Variants in ADGRD1 observed in about 807,000 individuals in gnomAD.
ADGRD1 encodes the protein adhesion G protein-coupled receptor D1, also known as G-protein coupled receptor 133.
Under a neutral mutation model 113.4 loss-of-function variants are expected in ADGRD1, and 77 were observed. That is an observed-to-expected ratio of 0.68 (90% CI 0.57 to 0.82). The LOEUF is 0.82. Among genes scored for constraint, ADGRD1 ranks in the 40% least tolerant of loss-of-function variants. ADGRD1 has a pLI of 0.00. For synonymous variants in ADGRD1, 474 were observed against 475.0 expected (o/e 1.00, Z 0.03); for missense variants, 1,036 against 1,139.1 (o/e 0.91, Z 1.30).
At chr12:131,138,889 C>T (rs761058233) in intron 24 of ADGRD1, among the ~76,000 whole-genome samples, 3 of 152,140 alleles carry the variant, frequency 2.0e-5, no homozygotes, top group Non-Finnish European at 2.9e-5. Flanking sequence ...GCGTGGGTGC[C>T]GGGCAGATGG....
intron 3 of ADGRD1, chr12:130,970,412 A>G (rs1871476148): frequency 6.6e-6 from 1 of 152,210 alleles, no homozygotes; most frequent in South Asian, 2.1e-4. Context: ...TCCCTCAGCA[A>G]AAATGGGATA....
chr12:130,960,257 C>G (rs1028214156), intron 2 of ADGRD1, among the ~76,000 whole-genome samples: 1 of 152,150 alleles, frequency 6.6e-6, no homozygotes, highest in Admixed American at 6.5e-5. Context: ...ACAGCTGGCT[C>G]CAGCCGTTTC....
chr12:131,133,653 A>T (rs917923343), intron 21 of ADGRD1, among the ~76,000 whole-genome samples: 5 of 152,114 alleles, frequency 3.3e-5, no homozygotes, highest in Non-Finnish European at 2.9e-5. Context: ...CCATTGTGCA[A>T]CCCAGCACAT....
Position 131,084,463 on chromosome 12 carries a change from G to T in ADGRD1, c.1548-77G>T. 4 of 1,523,612 alleles carry T rather than the reference G, an allele frequency of 2.6e-6. No homozygotes were observed. The highest frequency in any genetic ancestry group is 1.1e-5 in the South Asian group (1 of 88,542). The allele number at this position is 1,523,612 out of a possible 1,614,324, so 94.4% of individuals were successfully genotyped here. ...ATGAGTTCACGGGGCCATGTGTTATGGGGGGTGCTGCTCTCAGTCCCCTGC... is the reference window on the plus strand; with the variant it reads ...ATGAGTTCACGGGGCCATGTGTTATTGGGGGTGCTGCTCTCAGTCCCCTGC... On this transcript the variant is annotated intron_variant, in intron 14 of 24. Coordinates refer to ENST00000261654, the MANE Select transcript of ADGRD1 (RefSeq NM_198827.5). This position sits in a 1 kb window ranked among gnomAD's most constrained non-coding sequence, Gnocchi z 4.5.
Position 130,992,218 on chromosome 12 carries a change from T to C in ADGRD1, c.811-19T>C, listed in dbSNP as rs537829937. 2.4e-5 allele frequency: 38 copies of C among 1,603,434 alleles called. No homozygotes were observed. The highest frequency in any genetic ancestry group is 3.1e-5 in the Non-Finnish European group (36 of 1,174,802). On this transcript the variant is annotated intron_variant, in intron 7 of 24. Coordinates refer to ENST00000261654, the MANE Select transcript of ADGRD1 (RefSeq NM_198827.5). ...GGTTTTAGTTCTTAGTAGAAACTCA[T>C]GTTGCCAATTTCTTTCAGATGCCCA...
At chr12:130,994,137 C>T (rs180764840) in intron 8 of ADGRD1, 6 of 337,724 alleles carry the variant, frequency 1.8e-5, no homozygotes, top group African/African-American at 8.4e-5. Context: ...AGTGTGGGAG[C>T]GCTTCCGGGC....
At chr12:131,061,090 A>G (rs7139010) in intron 13 of ADGRD1, among the ~76,000 whole-genome samples, 8,133 of 152,142 alleles carry the variant, frequency 0.053, 746 homozygotes, top group African/African-American at 0.19. Flanking sequence ...CTCAGAACAA[A>G]TCCTGCAGGT....
At chr12:131,134,725 G>A (rs997337542) in intron 21 of ADGRD1, among the ~76,000 whole-genome samples, 2 of 152,254 alleles carry the variant, frequency 1.3e-5, no homozygotes, top group Non-Finnish European at 2.9e-5. Context: ...CATTATGGCC[G>A]CATCTCACCT....
At chr12:131,079,238 C>A (rs1885881692) in intron 14 of ADGRD1, among the ~76,000 whole-genome samples, 1 of 152,098 alleles carries the variant, frequency 6.6e-6, no homozygotes, top group Non-Finnish European at 1.5e-5. Context: ...CATGGATGTA[C>A]CGTAGTTTAT....
At chr12:131,034,719 C>T (rs900437065) in intron 13 of ADGRD1, among the ~76,000 whole-genome samples, 1 of 152,150 alleles carries the variant, frequency 6.6e-6, no homozygotes, top group African/African-American at 2.4e-5. Flanking sequence ...GGTGGCCCCT[C>T]GCTGGGCAGG....
rs35160436 is a variant in ADGRD1, at chr12:131,139,305, A to AC, written c.*49dup. 0.31 allele frequency: 383,470 copies of AC among 1,248,630 alleles called. 63,009 individuals carry two copies. The highest frequency in any genetic ancestry group is 0.44 in the Middle Eastern group (2,355 of 5,340). The allele number at this position is 1,248,630 out of a possible 1,614,324, so 77.3% of individuals were successfully genotyped here. A position where few individuals can be genotyped will look rare whatever the true frequency, so the allele number is the denominator to read the frequency against. On this transcript the variant is annotated 3_prime_UTR_variant, in exon 25 of 25. Coordinates refer to ENST00000261654, the MANE Select transcript of ADGRD1 (RefSeq NM_198827.5). ...CCAGGCCAGGCTGCGCTCAGAACAC[A>AC]CCCCCCCAAACAGAATGAAATGCCC...
Position 130,954,165 on chromosome 12 carries a change from T to C in ADGRD1, c.-301T>C. 2.8e-6 allele frequency: 1 copy of C among 351,036 alleles called. No homozygotes were observed. Among genetic ancestry groups the C allele is most frequent in the Non-Finnish European group, 5.1e-6 (1 of 197,592 alleles). The allele number at this position is 351,036 out of a possible 1,614,324, so 21.7% of individuals were successfully genotyped here. ...GCAGGTCGCGGTCACAGTGGTGACC[T>C]GGGATTGCTTTCCCAGGACTGCGAG... On this transcript the variant is annotated 5_prime_UTR_variant, in exon 1 of 25. Transcript: ENST00000261654. The surrounding 1 kb of genome is among the most constrained non-coding windows in gnomAD (Gnocchi z 4.7).
rs1882141539 is a variant in ADGRD1, at chr12:131,041,625, A to G, written c.1473+27285A>G. ...GCTGGAGAGGAAGGTGTGCAGCTTA[A>G]TGAGGCTCTGCAGAGACCCAGGGGC... On this transcript the variant is annotated intron_variant, in intron 13 of 24. Transcript: ENST00000261654. The surrounding 1 kb of genome is among the most constrained non-coding windows in gnomAD (Gnocchi z 4.4). 6.6e-6 allele frequency among the ~76,000 whole-genome samples: 1 copy of G among 152,216 alleles called. No homozygotes were observed. The highest frequency in any genetic ancestry group is 6.5e-5 in the Admixed American group (1 of 15,284).
intron 13 of ADGRD1, among the ~76,000 whole-genome samples, chr12:131,034,104 C>T (rs551508965): frequency 3.9e-5 from 6 of 152,324 alleles, no homozygotes; most frequent in Non-Finnish European, 5.9e-5. Context: ...TCGACGTGGC[C>T]GTCAGGTGGT....
rs906093619 is a variant in ADGRD1, at chr12:131,041,012, G to T, written c.1473+26672G>T. 6.5e-4 allele frequency among the ~76,000 whole-genome samples: 98 copies of T among 151,226 alleles called. No homozygotes were observed. The highest frequency in any genetic ancestry group is 2.3e-3 in the African/African-American group (93 of 40,526). On this transcript the variant is annotated intron_variant, in intron 13 of 24. Coordinates refer to ENST00000261654, the MANE Select transcript of ADGRD1 (RefSeq NM_198827.5). The surrounding 1 kb of genome is among the most constrained non-coding windows in gnomAD (Gnocchi z 4.4). ...AGTGGGGCTGAATGGTGGCCCCCCCGGAGTTTGCCATCATCCCCACCTGGA... is the reference window on the plus strand; with the variant it reads ...AGTGGGGCTGAATGGTGGCCCCCCCTGAGTTTGCCATCATCCCCACCTGGA...
rs532946996 is a variant in ADGRD1 at position 130,974,595 on chromosome 12, C to T, written c.310+3015C>T. Among the ~76,000 whole-genome samples the T allele has an allele frequency of 7.2e-5, 11 of 152,292 alleles. No homozygotes were observed. The East Asian group carries it at 1.4e-3, about 19-fold the overall frequency. On this transcript the variant is annotated intron_variant, in intron 4 of 24. Coordinates refer to ENST00000261654, the MANE Select transcript of ADGRD1 (RefSeq NM_198827.5). ...AACTTATAACCTGTTATTCTTATAACGAAAAACAACGCTTAAATAGAGAAA... is the reference window on the plus strand; with the variant it reads ...AACTTATAACCTGTTATTCTTATAATGAAAAACAACGCTTAAATAGAGAAA...
Position 131,139,437 on chromosome 12 carries a change from G to T in ADGRD1, c.*174G>T, listed in dbSNP as rs547489587. 4 of 591,688 alleles carry T rather than the reference G, an allele frequency of 6.8e-6. No homozygotes were observed. Among genetic ancestry groups the T allele is most frequent in the Non-Finnish European group, 1.2e-5 (4 of 328,080 alleles). 36.7% of individuals were successfully genotyped at this position (591,688 alleles called of 1,614,324 possible). A position where few individuals can be genotyped will look rare whatever the true frequency, so the allele number is the denominator to read the frequency against. ...TCTGGCTGTCGGAGCACACTGCTCA[G>T]CCCAGCAGCCTGATGCCCAGGCCAG... On this transcript the variant is annotated 3_prime_UTR_variant, in exon 25 of 25. Transcript: ENST00000261654.
rs78519684 is a variant in ADGRD1 at position 131,132,459 on chromosome 12, G to A, written c.2267+643G>A. 3.7e-3 allele frequency among the ~76,000 whole-genome samples: 558 copies of A among 152,378 alleles called. 5 individuals carry two copies. Among genetic ancestry groups the A allele is most frequent in the African/African-American group, 0.013 (530 of 41,584 alleles). On this transcript the variant is annotated intron_variant, in intron 21 of 24. Transcript: ENST00000261654. ...GGCCTAAGCAGAAGGGGGACTCACT[G>A]ACGCAGCTGACTGTGAAGTCCGGAG...
At chr12:131,038,003 T>C (rs1219034056) in intron 13 of ADGRD1, among the ~76,000 whole-genome samples, 2 of 145,498 alleles carry the variant, frequency 1.4e-5, no homozygotes, top group Non-Finnish European at 3.0e-5. Flanking sequence ...TGCACTGGGG[T>C]CTCACTCACT....
Sources: gnomAD v4.1 joint callset for allele counts (sites outside exome capture counted in the v4.1 genomes callset) on GRCh38, gnomAD v4.1.1 for gene constraint, Gnocchi (gnomAD v3.1) non-coding constraint, MANE v1.5 for transcripts, NCBI Gene and HGNC (gene_info 2026-07-23, HGNC 2026-07-21) for gene names.